CALN1: variants seen among roughly 807,000 people sequenced by gnomAD.
The protein encoded by CALN1 is calcium-binding protein 8.
Under a neutral mutation model 30.6 loss-of-function variants are expected in CALN1, and 17 were observed. The ratio of observed to expected loss-of-function variants is 0.56; its 90% CI spans 0.38 to 0.83. CALN1 has a LOEUF of 0.83. Among genes scored for constraint, CALN1 ranks in the 40% least tolerant of loss-of-function variants. The probability of loss-of-function intolerance (pLI) is 0.00; values close to 1 mark genes in which losing one functional copy is unlikely to be tolerated. For synonymous variants in CALN1, 156 were observed against 131.4 expected (o/e 1.19, Z -1.28); for missense variants, 291 against 354.9 (o/e 0.82, Z 1.45).
intron 3 of CALN1, among the ~76,000 whole-genome samples, chr7:72,216,559 A>G (rs1034343975): frequency 1.3e-5 from 2 of 152,098 alleles, no homozygotes; most frequent in Admixed American, 1.3e-4. Context: ...GAGGTGGAGA[A>G]GAGTCAGCGT....
chr7:72,252,440 A>T (rs936041635), intron 3 of CALN1, among the ~76,000 whole-genome samples: 1 of 152,030 alleles, frequency 6.6e-6, no homozygotes, highest in African/African-American at 2.4e-5. Flanking sequence ...TCTCTACTAA[A>T]AATACAATAA....
At chr7:72,260,781 TC>T (rs1320333521) in intron 3 of CALN1, among the ~76,000 whole-genome samples, 2 of 151,232 alleles carry the variant, frequency 1.3e-5, no homozygotes, top group Non-Finnish European at 2.9e-5. Flanking sequence ...TTTTCCCACT[TC>T]CCCCCACCAC....
At chr7:72,309,271 C>T (rs973633469) in intron 2 of CALN1, among the ~76,000 whole-genome samples, 9 of 152,154 alleles carry the variant, frequency 5.9e-5, no homozygotes, top group Non-Finnish European at 8.8e-5. Context: ...AAATCCATGC[C>T]GGTCCTGTTC....
intron 5 of CALN1, among the ~76,000 whole-genome samples, chr7:71,970,896 A>G (rs999872661): frequency 3.3e-5 from 5 of 152,166 alleles, no homozygotes; most frequent in Non-Finnish European, 7.3e-5. Context: ...AGGTTCAGCA[A>G]AATTGAGAGC....
At chr7:72,107,884 C>T (rs1354771544) in intron 3 of CALN1, among the ~76,000 whole-genome samples, 3 of 152,200 alleles carry the variant, frequency 2.0e-5, no homozygotes, top group African/African-American at 7.2e-5. Context: ...AAGATGCATG[C>T]AGAAACCTTC....
At chr7:71,947,572 G>A (rs1367896020) in intron 5 of CALN1, among the ~76,000 whole-genome samples, 1 of 152,120 alleles carries the variant, frequency 6.6e-6, no homozygotes, top group African/African-American at 2.4e-5. Context: ...TTATACTGGA[G>A]GTTTTTTCTT....
intron 3 of CALN1, among the ~76,000 whole-genome samples, chr7:72,149,017 G>T (rs1036099493): frequency 6.6e-6 from 1 of 151,988 alleles, no homozygotes; most frequent in African/African-American, 2.4e-5. Flanking sequence ...AATGAGCCTA[G>T]CATCTCCTGC....
the CALN1 span, among the ~76,000 whole-genome samples, chr7:72,488,364 C>T: frequency 9.9e-5 from 15 of 151,882 alleles, no homozygotes; most frequent in Non-Finnish European, 1.6e-4. Flanking sequence ...GAGCAAGATC[C>T]TGTCTCAAAA....
chr7:72,259,847 C>T (rs1042080281), intron 3 of CALN1, among the ~76,000 whole-genome samples: 1 of 152,146 alleles, frequency 6.6e-6, no homozygotes, highest in Non-Finnish European at 1.5e-5. Context: ...GGTTGTTGCC[C>T]CAGCCTCAAG....
At chr7:71,917,531 G>A (rs1175087277) in intron 5 of CALN1, among the ~76,000 whole-genome samples, 1 of 152,136 alleles carries the variant, frequency 6.6e-6, no homozygotes, top group Admixed American at 6.5e-5. Flanking sequence ...ACCTGAGACT[G>A]GGTAATTTAT....
chr7:72,113,000 G>T (rs1326956898), intron 3 of CALN1, among the ~76,000 whole-genome samples: 1 of 152,192 alleles, frequency 6.6e-6, no homozygotes, highest in Non-Finnish European at 1.5e-5. Context: ...CAAGACACGG[G>T]CATGTCTACA....
chr7:72,270,254 C>A (rs1313940286), intron 3 of CALN1, among the ~76,000 whole-genome samples: 1 of 151,956 alleles, frequency 6.6e-6, no homozygotes, highest in African/African-American at 2.4e-5. Flanking sequence ...CCCAGGAGAT[C>A]AAGACTACAG....
At chr7:72,204,155 A>ATTTTTT (rs34607350) in intron 3 of CALN1, among the ~76,000 whole-genome samples, 1 of 141,812 alleles carries the variant, frequency 7.1e-6, no homozygotes. Flanking sequence ...CACCTGGCTA[A>ATTTTTT]TTTTTTTTTT....
At chr7:72,136,696 A>C (rs1809536288) in intron 3 of CALN1, among the ~76,000 whole-genome samples, 1 of 152,230 alleles carries the variant, frequency 6.6e-6, no homozygotes, top group Admixed American at 6.5e-5. Flanking sequence ...TTTTTGATTT[A>C]AAGTGAGAGA....
chr7:72,489,613 A>G, the CALN1 span, among the ~76,000 whole-genome samples: 1 of 152,104 alleles, frequency 6.6e-6, no homozygotes, highest in Non-Finnish European at 1.5e-5. Flanking sequence ...CCTTTATTTC[A>G]TGTTCCTAAA....
At chr7:71,996,557 T>G (rs891848889) in intron 5 of CALN1, among the ~76,000 whole-genome samples, 4 of 152,220 alleles carry the variant, frequency 2.6e-5, no homozygotes, top group African/African-American at 9.6e-5. Flanking sequence ...GCAAAGGACA[T>G]GATCTCATTC....
chr7:72,171,383 G>C (rs552043290), intron 3 of CALN1, among the ~76,000 whole-genome samples: 53 of 152,164 alleles, frequency 3.5e-4, no homozygotes, highest in Admixed American at 3.1e-3. Context: ...CCAGTGTCTT[G>C]ACAGGCTCAG....
At chr7:72,030,511 C>G (rs975294692) in intron 4 of CALN1, among the ~76,000 whole-genome samples, 2 of 152,096 alleles carry the variant, frequency 1.3e-5, no homozygotes, top group East Asian at 3.9e-4. Context: ...GGGAATACCC[C>G]CCAAAAGTTA....
At chr7:72,204,978 T>G (rs1791718259) in intron 3 of CALN1, among the ~76,000 whole-genome samples, 5 of 152,022 alleles carry the variant, frequency 3.3e-5, no homozygotes, top group Admixed American at 2.6e-4. Flanking sequence ...AGAATGAAAA[T>G]GTCCATTTTC....
Sources: gnomAD v4.1 joint callset for allele counts (sites outside exome capture counted in the v4.1 genomes callset) on GRCh38, gnomAD v4.1.1 for gene constraint, MANE v1.5 for transcripts, NCBI Gene and HGNC (gene_info 2026-07-23, HGNC 2026-07-21) for gene names.